DLGAP2: variants seen among roughly 807,000 people sequenced by gnomAD.
DLGAP2 encodes DLG associated protein 2.
In DLGAP2, 26 loss-of-function variants were observed where a neutral mutation model predicts 100.3. The ratio of observed to expected loss-of-function variants is 0.26; its 90% CI spans 0.19 to 0.36. The LOEUF is 0.36. Among genes scored for constraint, DLGAP2 ranks in the 10% least tolerant of loss-of-function variants. The pLI is 1.00. For synonymous variants in DLGAP2, 886 were observed against 630.1 expected, an observed-to-expected ratio of 1.41 and a Z score of -6.08; for missense variants, 1,858 against 1,453.2, an observed-to-expected ratio of 1.28 and a Z score of -4.53.
intron 2 of DLGAP2, among the ~76,000 whole-genome samples, chr8:1,037,775 C>T (rs952195389): frequency 5.9e-5 from 9 of 152,182 alleles, no homozygotes; most frequent in African/African-American, 2.2e-4. Context: ...CAGGCTGGTT[C>T]CCTCTGCCTT....
At chr8:1,472,602 C>T (rs960350428) in intron 3 of DLGAP2, among the ~76,000 whole-genome samples, 1 of 152,118 alleles carries the variant, frequency 6.6e-6, no homozygotes, top group Non-Finnish European at 1.5e-5. Context: ...TGGAATAATA[C>T]ATGATGTAAA....
intron 4 of DLGAP2, among the ~76,000 whole-genome samples, chr8:1,517,345 C>G (rs948611077): frequency 1.3e-5 from 2 of 151,960 alleles, no homozygotes; most frequent in African/African-American, 2.4e-5. Flanking sequence ...GGATGTGGAG[C>G]CCAGGAGGAG....
At chr8:1,412,932 T>C (rs79451347) in intron 3 of DLGAP2, among the ~76,000 whole-genome samples, 1 of 152,108 alleles carries the variant, frequency 6.6e-6, no homozygotes, top group Admixed American at 6.6e-5. Context: ...GCTGGGAAAA[T>C]TCCTTCAATA....
chr8:1,291,515 G>A (rs936459385), intron 3 of DLGAP2, among the ~76,000 whole-genome samples: 1 of 152,156 alleles, frequency 6.6e-6, no homozygotes, highest in Non-Finnish European at 1.5e-5. Context: ...TGGAGGAGAA[G>A]CCCATGACAC....
At chr8:1,279,408 A>G (rs576297637) in intron 3 of DLGAP2, among the ~76,000 whole-genome samples, 1 of 152,340 alleles carries the variant, frequency 6.6e-6, no homozygotes, top group Admixed American at 6.5e-5. Flanking sequence ...TGATTTTACC[A>G]AGAAGTATGA....
intron 2 of DLGAP2, among the ~76,000 whole-genome samples, chr8:909,667 T>C (rs546108645): frequency 6.6e-6 from 1 of 152,312 alleles, no homozygotes; most frequent in East Asian, 1.9e-4. Context: ...TATAGAATGT[T>C]TCACTGTCAT....
chr8:814,406 CTTA>C (rs1796425379), intron 1 of DLGAP2, among the ~76,000 whole-genome samples: 1 of 152,092 alleles, frequency 6.6e-6, no homozygotes, highest in Non-Finnish European at 1.5e-5. Context: ...TGAAGTAAGT[CTTA>C]TTATTTTCAT....
At chr8:1,551,487 G>A (rs901741646) in intron 5 of DLGAP2, among the ~76,000 whole-genome samples, 3 of 152,098 alleles carry the variant, frequency 2.0e-5, no homozygotes, top group South Asian at 2.1e-4. Flanking sequence ...CACAGGTCCT[G>A]TGCCCCTTGG....
chr8:1,025,952 G>A (rs1446346053), intron 2 of DLGAP2, among the ~76,000 whole-genome samples: 1 of 152,202 alleles, frequency 6.6e-6, no homozygotes, highest in Non-Finnish European at 1.5e-5. Context: ...GGAGCACCTG[G>A]GACGCACATC....
chr8:1,524,808 G>A (rs553767227), intron 4 of DLGAP2, among the ~76,000 whole-genome samples: 1 of 152,184 alleles, frequency 6.6e-6, no homozygotes, highest in African/African-American at 2.4e-5. Flanking sequence ...AACATCTCAG[G>A]TCCTTCCGTC....
At chr8:749,905 G>A (rs1389931742) in intron 1 of DLGAP2, among the ~76,000 whole-genome samples, 1 of 152,156 alleles carries the variant, frequency 6.6e-6, no homozygotes, top group African/African-American at 2.4e-5. Context: ...ATCCTGGCTT[G>A]TGGCCTCATC....
intron 2 of DLGAP2, among the ~76,000 whole-genome samples, chr8:1,009,789 G>A (rs1040629802): frequency 6.6e-6 from 1 of 152,224 alleles, no homozygotes; most frequent in Non-Finnish European, 1.5e-5. Context: ...CATAATCCTG[G>A]CGCTTTGCAG....
chr8:1,012,684 C>T (rs1373061038), intron 2 of DLGAP2, among the ~76,000 whole-genome samples: 4 of 130,908 alleles, frequency 3.1e-5, no homozygotes, highest in East Asian at 2.5e-4. Context: ...GGACACCGTC[C>T]GACCAGTCCC....
intron 2 of DLGAP2, among the ~76,000 whole-genome samples, chr8:1,211,259 C>G (rs1421167278): frequency 1.3e-5 from 2 of 152,206 alleles, no homozygotes; most frequent in African/African-American, 4.8e-5. Flanking sequence ...TCCTTGATGG[C>G]AAACACAGGG....
intron 1 of DLGAP2, among the ~76,000 whole-genome samples, chr8:765,771 G>T (rs1308504851): frequency 4.6e-5 from 7 of 152,074 alleles, no homozygotes; most frequent in Non-Finnish European, 8.8e-5. Context: ...GCACATGTGT[G>T]TACACACATG....
At chr8:994,420 G>A (rs774354438) in intron 2 of DLGAP2, among the ~76,000 whole-genome samples, 17 of 151,970 alleles carry the variant, frequency 1.1e-4, no homozygotes, top group Non-Finnish European at 1.9e-4. Context: ...GGCTGGTCTC[G>A]AACTCCCGAC....
At chr8:1,669,352 G>A (rs918460426) in intron 9 of DLGAP2, among the ~76,000 whole-genome samples, 2 of 152,326 alleles carry the variant, frequency 1.3e-5, no homozygotes, top group East Asian at 3.9e-4. Context: ...TCCTGCCCAC[G>A]CTGCACCTCC....
intron 4 of DLGAP2, among the ~76,000 whole-genome samples, chr8:1,519,782 C>A (rs895205850): frequency 6.6e-6 from 1 of 152,270 alleles, no homozygotes. Flanking sequence ...GGGACCTGGC[C>A]CTGTGCTGCC....
At chr8:1,008,999 G>A (rs1211787724) in intron 2 of DLGAP2, among the ~76,000 whole-genome samples, 1 of 152,200 alleles carries the variant, frequency 6.6e-6, no homozygotes, top group Non-Finnish European at 1.5e-5. Context: ...ACCCTTCCTC[G>A]CAGGCCTCCA....
Sources: gnomAD v4.1 joint callset for allele counts (sites outside exome capture counted in the v4.1 genomes callset) on GRCh38, gnomAD v4.1.1 for gene constraint, MANE v1.5 for transcripts, NCBI Gene and HGNC (gene_info 2026-07-23, HGNC 2026-07-21) for gene names.